The following TENM2 variants were observed in gnomAD, a reference collection of about 807,000 sequenced individuals.
The protein encoded by TENM2 is teneurin-2.
TENM2 carries 52 observed loss-of-function variants against 245.2 expected under a neutral mutation model. That is an observed-to-expected ratio of 0.21 (90% confidence interval 0.17 to 0.27). The LOEUF is 0.27. TENM2 is among the 10% of genes least tolerant of loss of function. TENM2 has a pLI of 1.00. For synonymous variants in TENM2, 1,363 were observed against 1,438.9 expected (o/e 0.95, Z 1.19); for missense variants, 3,046 against 3,666.8 (o/e 0.83, Z 4.37).
the TENM2 span, among the ~76,000 whole-genome samples, chr5:167,165,690 G>A: frequency 6.6e-6 from 1 of 152,046 alleles, no homozygotes; most frequent in African/African-American, 2.4e-5. Flanking sequence ...ACCAAGTAAG[G>A]TGTACAAATA....
chr5:168,022,948 C>A (rs983663347), intron 5 of TENM2, among the ~76,000 whole-genome samples: 4 of 152,114 alleles, frequency 2.6e-5, no homozygotes, highest in African/African-American at 9.7e-5. Flanking sequence ...GGCAAGGGTG[C>A]GTGTGCCAGG....
At chr5:168,158,114 G>T (rs1040665685) in intron 12 of TENM2, among the ~76,000 whole-genome samples, 1 of 152,036 alleles carries the variant, frequency 6.6e-6, no homozygotes, top group Non-Finnish European at 1.5e-5. Flanking sequence ...GTAGACATGA[G>T]ATTTCACCAT....
chr5:167,239,416 C>T, the TENM2 span, among the ~76,000 whole-genome samples: 2 of 152,186 alleles, frequency 1.3e-5, no homozygotes, highest in African/African-American at 2.4e-5. Flanking sequence ...TCTTCTTGTC[C>T]TGACTACCCC....
chr5:167,062,718 C>T, the TENM2 span, among the ~76,000 whole-genome samples: 6 of 152,056 alleles, frequency 3.9e-5, no homozygotes, highest in African/African-American at 9.7e-5. Context: ...AAAAAAGAAA[C>T]AAAGAAAATA....
chr5:167,878,439 AC>A (rs1328632272), intron 3 of TENM2, among the ~76,000 whole-genome samples: 3 of 152,092 alleles, frequency 2.0e-5, no homozygotes, highest in African/African-American at 7.2e-5. Flanking sequence ...ATTGTGCAAT[AC>A]CCTTGTTTTC....
the TENM2 span, among the ~76,000 whole-genome samples, chr5:167,051,927 A>G: frequency 1.5e-4 from 23 of 152,284 alleles, no homozygotes; most frequent in Non-Finnish European, 1.6e-4. Context: ...TTAAAGCTTG[A>G]ATAAATTGTG....
chr5:167,949,366 T>A (rs532906187), intron 3 of TENM2, among the ~76,000 whole-genome samples: 60 of 152,276 alleles, frequency 3.9e-4, no homozygotes, highest in African/African-American at 1.4e-3. Context: ...TTGATAATAT[T>A]CAGCTTGAGG....
intron 2 of TENM2, among the ~76,000 whole-genome samples, chr5:167,518,850 G>C (rs1770571163): frequency 6.6e-6 from 1 of 152,102 alleles, no homozygotes; most frequent in Non-Finnish European, 1.5e-5. Flanking sequence ...AGGATCTTTT[G>C]GGAGGATGGG....
intron 2 of TENM2, among the ~76,000 whole-genome samples, chr5:167,439,607 A>T (rs1203454704): frequency 6.6e-6 from 1 of 152,216 alleles, no homozygotes; most frequent in Non-Finnish European, 1.5e-5. Context: ...CATGAATATA[A>T]TACACTGCAT....
chr5:167,927,384 C>G (rs1043740018), intron 3 of TENM2, among the ~76,000 whole-genome samples: 2 of 152,170 alleles, frequency 1.3e-5, no homozygotes, highest in Non-Finnish European at 2.9e-5. Flanking sequence ...CTGTGAGCAT[C>G]TTGGCCACTG....
chr5:167,852,727 T>C (rs1284587505), intron 2 of TENM2, among the ~76,000 whole-genome samples: 1 of 152,184 alleles, frequency 6.6e-6, no homozygotes, highest in Admixed American at 6.5e-5. Flanking sequence ...TCGGCTCTTT[T>C]ATATTTCTCT....
intron 2 of TENM2, among the ~76,000 whole-genome samples, chr5:167,782,312 T>TC (rs1202528863): frequency 2.8e-4 from 6 of 21,804 alleles, no homozygotes; most frequent in African/African-American, 2.4e-3. Flanking sequence ...AAACTCTGTC[T>TC]CAAAAAAAAA....
intron 13 of TENM2, chr5:168,165,275 A>T (rs1037355735): frequency 2.0e-5 from 3 of 152,244 alleles, no homozygotes; most frequent in Non-Finnish European, 4.4e-5. Flanking sequence ...GAATCGCACG[A>T]CTTTTGCTGG....
intron 4 of TENM2, among the ~76,000 whole-genome samples, chr5:167,976,952 A>T (rs2040018949): frequency 6.6e-6 from 1 of 152,228 alleles, no homozygotes; most frequent in Non-Finnish European, 1.5e-5. Flanking sequence ...GATAAAGAAG[A>T]TGTGGTACAT....
intron 2 of TENM2, among the ~76,000 whole-genome samples, chr5:167,425,075 A>C (rs1012978630): frequency 3.3e-5 from 5 of 152,198 alleles, no homozygotes; most frequent in African/African-American, 7.2e-5. Flanking sequence ...AGATGGCTTT[A>C]TATGTTTGGT....
In TENM2 at chr5:167,957,000, G is replaced by A. The variant is rs576372345; in HGVS notation, c.947+4178G>A. On this transcript the variant is annotated intron_variant, in intron 4 of 28. Transcript: ENST00000518659. ...TGCTGGCCTCATAAAATGAGTTAGG[G>A]AGGAGTCCCTCTTTTTCAATTGTTT... 7.9e-4 allele frequency among the ~76,000 whole-genome samples: 120 copies of A among 152,254 alleles called. 1 individual carries two copies. Among genetic ancestry groups the A allele is most frequent in the African/African-American group, 2.7e-3 (113 of 41,552 alleles).
intron 2 of TENM2, among the ~76,000 whole-genome samples, chr5:167,432,555 A>G (rs1472468435): frequency 6.6e-6 from 1 of 151,868 alleles, no homozygotes; most frequent in Non-Finnish European, 1.5e-5. Flanking sequence ...GGAAAATTGT[A>G]TTCACATAAG....
the TENM2 span, among the ~76,000 whole-genome samples, chr5:167,001,325 G>A: frequency 6.6e-6 from 1 of 152,106 alleles, no homozygotes; most frequent in Non-Finnish European, 1.5e-5. Context: ...TTCTTAGATC[G>A]TATGGAAAAA....
chr5:167,928,914 AAG>A (rs530952851), intron 3 of TENM2, among the ~76,000 whole-genome samples: 8,966 of 118,450 alleles, frequency 0.076, 978 homozygotes, highest in African/African-American at 0.18. Flanking sequence ...AAAAAAAAAA[AAG>A]AAGAAGAAAG....
Sources: gnomAD v4.1 joint callset for allele counts (sites outside exome capture counted in the v4.1 genomes callset) on GRCh38, gnomAD v4.1.1 for gene constraint, MANE v1.5 for transcripts, NCBI Gene and HGNC (gene_info 2026-07-23, HGNC 2026-07-21) for gene names.